Variants in PHACTR3 observed in about 807,000 individuals in gnomAD.
The protein encoded by PHACTR3 is protein phosphatase 1, regulatory subunit 123.
Under a neutral mutation model 66.8 loss-of-function variants are expected in PHACTR3, and 16 were observed. That is an observed-to-expected ratio of 0.24 (90% CI 0.16 to 0.36). The LOEUF (loss-of-function observed/expected upper bound fraction) is 0.36. PHACTR3 is among the 10% of genes least tolerant of loss of function. PHACTR3 has a pLI of 1.00. For missense variants in PHACTR3, 647 were observed against 719.9 expected, an observed-to-expected ratio of 0.90 and a Z score of 1.16; for synonymous variants, 323 against 292.1, an observed-to-expected ratio of 1.11 and a Z score of -1.08.
rs2041992151 is a variant in PHACTR3, at chr20:59,820,023, C to T, written c.1328+13829C>T. Among the ~76,000 whole-genome samples the T allele has an allele frequency of 6.6e-6, 1 of 152,200 alleles. No homozygotes were observed. The highest frequency in any genetic ancestry group is 1.5e-5 in the Non-Finnish European group (1 of 68,028). On this transcript the variant is annotated intron_variant, in intron 8 of 12. Coordinates refer to ENST00000371015, the MANE Select transcript of PHACTR3 (RefSeq NM_080672.5). The surrounding 1 kb of genome is among the most constrained non-coding windows in gnomAD (Gnocchi z 4.6). ...TATCCGACTGACTTTCCCAGCCCTC[C>T]AGGGGGACCGTTGCTGGGGCTTCCG... is the stretch of plus-strand genomic sequence containing the variant.
At chr20:59,599,566 T>C (rs940875828), upstream of PHACTR3, among the ~76,000 whole-genome samples, 7 of 152,142 alleles carry the variant, frequency 4.6e-5, no homozygotes, top group African/African-American at 1.7e-4. Flanking sequence ...TCCTCTTTGC[T>C]GCCTCCTCCC....
chr20:59,710,270 C>T (rs2037865312), intron 1 of PHACTR3, among the ~76,000 whole-genome samples: 3 of 152,312 alleles, frequency 2.0e-5, no homozygotes, highest in Admixed American at 2.0e-4. Context: ...ATTTACTCAT[C>T]CCATTCTCCT....
intron 1 of PHACTR3, among the ~76,000 whole-genome samples, chr20:59,648,568 A>G (rs1450350643): frequency 6.6e-6 from 1 of 152,216 alleles, no homozygotes; most frequent in Non-Finnish European, 1.5e-5. Context: ...TGTTTATCCC[A>G]GAGGCCAGGG....
chr20:59,607,358 T>G (rs1294324768), intron 1 of PHACTR3, among the ~76,000 whole-genome samples: 2 of 152,154 alleles, frequency 1.3e-5, no homozygotes, highest in Non-Finnish European at 2.9e-5. Flanking sequence ...TCTTCCTAGA[T>G]AGCCTCCCTT....
intron 7 of PHACTR3, among the ~76,000 whole-genome samples, chr20:59,776,459 C>A (rs1211415038): frequency 2.0e-5 from 3 of 152,150 alleles, no homozygotes; most frequent in African/African-American, 7.2e-5. Context: ...CAGGGCCTGG[C>A]TCAGGGTGCA....
chr20:59,791,074 G>C (rs537370003), intron 7 of PHACTR3, among the ~76,000 whole-genome samples: 3 of 152,218 alleles, frequency 2.0e-5, no homozygotes, highest in East Asian at 3.9e-4. Context: ...GCTCCACCAT[G>C]GTATGAATGT....
chr20:59,582,109 T>TC (rs1468137558), intron 1 of PHACTR3, among the ~76,000 whole-genome samples: 1 of 152,140 alleles, frequency 6.6e-6, no homozygotes, highest in African/African-American at 2.4e-5. Flanking sequence ...GGAACATGAA[T>TC]CCTCCCCCCG....
intron 8 of PHACTR3, among the ~76,000 whole-genome samples, chr20:59,833,945 G>A (rs1187360610): frequency 6.6e-6 from 1 of 152,100 alleles, no homozygotes; most frequent in African/African-American, 2.4e-5. Context: ...CTGGGTCTTC[G>A]AGTGGAACAA....
At chr20:59,593,808 C>T (rs942636306) in intron 1 of PHACTR3, among the ~76,000 whole-genome samples, 6 of 152,178 alleles carry the variant, frequency 3.9e-5, no homozygotes, top group African/African-American at 1.4e-4. Context: ...AATCAGTTGA[C>T]TATATTTATG....
intron 1 of PHACTR3, among the ~76,000 whole-genome samples, chr20:59,674,933 CCCCACTTCTCCTGTTCCT>C (rs1450928732): frequency 2.6e-5 from 1 of 38,884 alleles, no homozygotes; most frequent in Admixed American, 2.4e-4. Flanking sequence ...TCTACTGTCC[CCCCACTTCTCCTGTTCCT>C]CCCCCTTCTC....
chr20:59,829,140 G>C lies in PHACTR3; in HGVS notation c.1329-7365G>C, dbSNP rs1029732364. ...TGTGAGGAGGTGGGGAACAGGGTGT[G>C]AAAAGGTCGGCTTTGGACTCAGAGT... On this transcript the variant is annotated intron_variant, in intron 8 of 12. Coordinates refer to ENST00000371015, the MANE Select transcript of PHACTR3 (RefSeq NM_080672.5). This position sits in a 1 kb window ranked among gnomAD's most constrained non-coding sequence, Gnocchi z 4.2. 6.6e-6 allele frequency among the ~76,000 whole-genome samples: 1 copy of C among 152,098 alleles called. No homozygotes were observed. The highest frequency in any genetic ancestry group is 2.4e-5 in the African/African-American group (1 of 41,418).
intron 1 of PHACTR3, among the ~76,000 whole-genome samples, chr20:59,667,870 G>A (rs550793476): frequency 3.1e-4 from 47 of 152,336 alleles, no homozygotes; most frequent in Admixed American, 1.2e-3. Flanking sequence ...TCATGCTTCC[G>A]AGTTAAAACC....
In PHACTR3 at chr20:59,839,535, G is replaced by A. The variant is rs897834858; in HGVS notation, c.1385-834G>A. On this transcript the variant is annotated intron_variant, in intron 9 of 12. Transcript: ENST00000371015. Reference sequence around the variant, plus strand: ...TTCCTAGGAATGGAGCTATGTTCAGGTCAGGGACATAAGGCTTTATTTAGC... The same window carrying A: ...TTCCTAGGAATGGAGCTATGTTCAGATCAGGGACATAAGGCTTTATTTAGC... Among the ~76,000 whole-genome samples the A allele has an allele frequency of 3.3e-5, 5 of 152,164 alleles. No homozygotes were observed. The East Asian group carries it at 7.7e-4, about 23-fold the overall frequency.
At chr20:59,582,569 C>G (rs1371081998) in intron 1 of PHACTR3, among the ~76,000 whole-genome samples, 1 of 152,190 alleles carries the variant, frequency 6.6e-6, no homozygotes, top group Non-Finnish European at 1.5e-5. Context: ...CGGAGGTACC[C>G]GTTTCTCTCG....
At chr20:59,595,920 G>A (rs1242996965) in intron 1 of PHACTR3, among the ~76,000 whole-genome samples, 2 of 151,960 alleles carry the variant, frequency 1.3e-5, no homozygotes, top group South Asian at 2.1e-4. Flanking sequence ...ACTCTTAATT[G>A]TAAGATACCT....
intron 8 of PHACTR3, among the ~76,000 whole-genome samples, chr20:59,811,327 G>A (rs188270750): frequency 6.6e-6 from 1 of 152,346 alleles, no homozygotes; most frequent in Non-Finnish European, 1.5e-5. Context: ...AATGCACCAG[G>A]TGTCTCGGGC....
chr20:59,802,621 G>A (rs772396481), intron 7 of PHACTR3, among the ~76,000 whole-genome samples: 12 of 152,192 alleles, frequency 7.9e-5, no homozygotes, highest in African/African-American at 2.2e-4. Flanking sequence ...TGCAGGGAGC[G>A]TGGAAGGCAG....
chr20:59,709,424 G>A lies in PHACTR3; in HGVS notation c.119-33683G>A, dbSNP rs115834071. On this transcript the variant is annotated intron_variant, in intron 1 of 12. Coordinates refer to ENST00000371015, the MANE Select transcript of PHACTR3 (RefSeq NM_080672.5). The stretch of plus-strand genomic sequence containing the variant: ...ACCAATTCTAAACCACCCTTTGCCA[G>A]TTAAAACCTTTTTGGCTTTCTTTTG... 9.0e-3 allele frequency among the ~76,000 whole-genome samples: 1,365 copies of A among 152,266 alleles called. 22 individuals are homozygous for A. The highest frequency in any genetic ancestry group is 0.031 in the African/African-American group (1,299 of 41,548).
chr20:59,600,818 G>A (rs149878534), upstream of PHACTR3, among the ~76,000 whole-genome samples: 13 of 152,246 alleles, frequency 8.5e-5, no homozygotes, highest in South Asian at 2.1e-4. Context: ...GGGGTCCTTC[G>A]ATGAGCTTCT....
Sources: gnomAD v4.1 joint callset for allele counts (sites outside exome capture counted in the v4.1 genomes callset) on GRCh38, gnomAD v4.1.1 for gene constraint, Gnocchi (gnomAD v3.1) non-coding constraint, MANE v1.5 for transcripts, NCBI Gene and HGNC (gene_info 2026-07-23, HGNC 2026-07-21) for gene names.